The following DENND3 variants were observed in gnomAD, a reference collection of about 807,000 sequenced individuals.
DENND3 encodes the protein DENN domain containing 3.
A neutral mutation model predicts 135.1 loss-of-function variants in DENND3; 88 were observed. That is an observed-to-expected ratio of 0.65 (90% CI 0.55 to 0.78). DENND3 has a LOEUF of 0.78. Ranked by LOEUF, DENND3 falls within the 30% of genes least tolerant of loss-of-function variation. The pLI is 0.00. For missense variants in DENND3, 1,392 were observed against 1,688.4 expected (o/e 0.82, Z 3.08); for synonymous variants, 693 against 712.3 (o/e 0.97, Z 0.43).
chr8:141,177,996 T>G (rs1357726093), intron 15 of DENND3, 71 bp from the exon 16 acceptor site: 2 of 1,527,658 alleles, frequency 1.3e-6, no homozygotes, highest in Non-Finnish European at 1.8e-6. Flanking sequence ...TCCTGTGTGT[T>G]GCAACAAGGT....
chr8:141,173,609 G>A (rs891334325), intron 13 of DENND3: 2 of 152,240 alleles, frequency 1.3e-5, no homozygotes, highest in East Asian at 3.8e-4. Flanking sequence ...CATGATAGCG[G>A]ATTCCCTAGA....
intron 7 of DENND3, among the ~76,000 whole-genome samples, chr8:141,153,552 C>A (rs934136973): frequency 1.3e-5 from 2 of 152,196 alleles, no homozygotes; most frequent in Admixed American, 6.5e-5. Flanking sequence ...ATGCTTCCCC[C>A]ACAAGTGTTG....
rs540882691 is a variant in DENND3, at chr8:141,158,285, C to T, written c.1196+2315C>T. Reference sequence around the variant, plus strand: ...CTTTCCCAATCATCTCAGTTACTTTCTGGTAAGCCACAGCTGCTTCCTTGA... The same window carrying T: ...CTTTCCCAATCATCTCAGTTACTTTTTGGTAAGCCACAGCTGCTTCCTTGA... On this transcript the variant is annotated intron_variant, in intron 8 of 22. Transcript: ENST00000519811. The T allele has an allele frequency of 2.9e-4, 370 of 1,286,588 alleles. 4 individuals carry two copies. Among genetic ancestry groups the T allele is most frequent in the African/African-American group, 7.6e-4 (50 of 65,890 alleles). The allele number at this position is 1,286,588 out of a possible 1,614,324, so 79.7% of individuals were successfully genotyped here.
intron 5 of DENND3, among the ~76,000 whole-genome samples, chr8:141,149,990 T>G (rs1015697181): frequency 1.3e-5 from 2 of 152,250 alleles, no homozygotes; most frequent in Non-Finnish European, 2.9e-5. Flanking sequence ...CCCGGCTCCC[T>G]GCTTCGCTTG....
Position 141,166,261 on chromosome 8 carries a change from T to G in DENND3, c.1625T>G (p.Leu542Arg). The change falls in exon 12 of 23, where the codon CTG (leucine) becomes CGG (arginine). Residue 542 changes from leucine to arginine, a missense_variant. Coordinates refer to ENST00000519811, the MANE Select transcript of DENND3 (RefSeq NM_001352890.3). This position sits in a 1 kb window ranked among gnomAD's most constrained non-coding sequence, Gnocchi z 4.3. ...AGAGCCTCCCGGAAGTCCTCGCACCTGCATGTCACCCACAGGCGCATGGTG... is the reference window on the plus strand; with the variant it reads ...AGAGCCTCCCGGAAGTCCTCGCACCGGCATGTCACCCACAGGCGCATGGTG... Reference protein sequence around the residue: ...EKRASRKSSHLHVTHRRMVVS... With the variant: ...EKRASRKSSHRHVTHRRMVVS... 1.2e-6 allele frequency: 2 copies of G among 1,614,158 alleles called. No homozygotes were observed. Among genetic ancestry groups the G allele is most frequent in the South Asian group, 2.2e-5 (2 of 91,082 alleles).
intron 17 of DENND3, among the ~76,000 whole-genome samples, chr8:141,181,370 A>C (rs1269911689): frequency 6.6e-6 from 1 of 152,226 alleles, no homozygotes; most frequent in Non-Finnish European, 1.5e-5. Context: ...TCGTTTCCGC[A>C]GAAGCTCTTA....
rs767068479 is a variant in DENND3 at position 141,138,248 on chromosome 8, G to A, written c.501+111G>A. ...TAACCATTTTAAAGTGTGCAGTTCC[G>A]TAACATTAAGTACATTCACAGCATT... On this transcript the variant is annotated intron_variant, in intron 3 of 22. Coordinates refer to ENST00000519811, the MANE Select transcript of DENND3 (RefSeq NM_001352890.3). This position sits in a 1 kb window ranked among gnomAD's most constrained non-coding sequence, Gnocchi z 4.8. 4.1e-5 allele frequency: 45 copies of A among 1,093,926 alleles called. No homozygotes were observed. The highest frequency in any genetic ancestry group is 5.4e-5 in the Non-Finnish European group (41 of 753,814). The allele number at this position is 1,093,926 out of a possible 1,614,324, so 67.8% of individuals were successfully genotyped here. A position where few individuals can be genotyped will look rare whatever the true frequency, so the allele number is the denominator to read the frequency against.
In DENND3 at chr8:141,188,991, C is replaced by T; in HGVS notation, c.3090C>T (p.Cys1030=). The T allele has an allele frequency of 1.9e-6, 3 of 1,613,618 alleles. No individual in the cohort carries two copies. Among genetic ancestry groups the T allele is most frequent in the Non-Finnish European group, 2.5e-6 (3 of 1,179,800 alleles). ...SFKVGTAKVN[C]MVMADQNQVW... ...TTCCCGTGGCCTCCTGTTAGAACTGCATGGTGATGGCCGACCAGAACCAGG... is the reference window on the plus strand; with the variant it reads ...TTCCCGTGGCCTCCTGTTAGAACTGTATGGTGATGGCCGACCAGAACCAGG... Residue 1030 remains cysteine, a synonymous_variant, in exon 19 of 23, where the codon TGC becomes TGT. Transcript: ENST00000519811.
rs948909414 is a variant in DENND3, at chr8:141,151,561, G to A, written c.856-58G>A. 9 of 1,447,004 alleles carry A rather than the reference G, an allele frequency of 6.2e-6. No homozygotes were observed. In the African/African-American group the frequency reaches 1.0e-4, roughly 16 times the overall value. The allele number at this position is 1,447,004 out of a possible 1,614,324, so 89.6% of individuals were successfully genotyped here. A position where few individuals can be genotyped will look rare whatever the true frequency, so the allele number is the denominator to read the frequency against. On this transcript the variant is annotated intron_variant, in intron 6 of 22. Coordinates refer to ENST00000519811, the MANE Select transcript of DENND3 (RefSeq NM_001352890.3). ...GGGCTGGGCAACACAGCGAGACCCT[G>A]TCTGTATTTTTTTTTTTTTTAAAAG...
Position 141,166,643 on chromosome 8 carries a change from A to G in DENND3, c.1753+254A>G, listed in dbSNP as rs1569556106. On this transcript the variant is annotated intron_variant, in intron 12 of 22. Coordinates refer to ENST00000519811, the MANE Select transcript of DENND3 (RefSeq NM_001352890.3). The surrounding 1 kb of genome is among the most constrained non-coding windows in gnomAD (Gnocchi z 4.3). ...CTCGGCATGGTTCGGCATCCTTCAC[A>G]GGTGTAGGCTGTGCCTGTCTCTGTA... is the stretch of plus-strand genomic sequence containing the variant. Among the ~76,000 whole-genome samples the G allele has an allele frequency of 1.3e-5, 2 of 152,196 alleles. No homozygotes were observed. The highest frequency in any genetic ancestry group is 2.9e-5 in the Non-Finnish European group (2 of 68,032).
Position 141,167,949 on chromosome 8 carries a change from G to C in DENND3, c.1754-55G>C. 1 of 1,548,800 alleles carries C rather than the reference G, an allele frequency of 6.5e-7. No homozygotes were observed. Among genetic ancestry groups the C allele is most frequent in the African/African-American group, 1.4e-5 (1 of 73,286 alleles). On this transcript the variant is annotated intron_variant, in intron 12 of 22. Transcript: ENST00000519811. The surrounding 1 kb of genome is among the most constrained non-coding windows in gnomAD (Gnocchi z 4.1). ...TGACAAGATGATGTGACAGGGACAC[G>C]TGTTCATTTGGAAGGTCTGTGCTAA...
At chr8:141,178,222 G>A (rs758462707) in intron 16 of DENND3, 26 bp downstream of exon 16, 1 of 1,599,568 alleles carries the variant, frequency 6.3e-7, no homozygotes, top group Non-Finnish European at 8.6e-7. Flanking sequence ...TCTTAGCGTG[G>A]ATCATTGTCC....
At chr8:141,191,286 T>G (rs1365892241) in intron 20 of DENND3, 1 of 152,264 alleles carries the variant, frequency 6.6e-6, no homozygotes, top group Non-Finnish European at 1.5e-5. Flanking sequence ...ACAGTAGGCC[T>G]TCTTCTGTAT....
rs940159182 is a variant in DENND3 at position 141,154,093 on chromosome 8, G to A, written c.1075-1756G>A. Among the ~76,000 whole-genome samples the A allele has an allele frequency of 1.3e-5, 2 of 152,200 alleles. No homozygotes were observed. Among genetic ancestry groups the A allele is most frequent in the African/African-American group, 4.8e-5 (2 of 41,440 alleles). ...CGGCTGTGTGCCTCGCTGCTTTAGCGTTTTGTGTATTTGCCTTGTAAGGTT... is the reference window on the plus strand; with the variant it reads ...CGGCTGTGTGCCTCGCTGCTTTAGCATTTTGTGTATTTGCCTTGTAAGGTT... On this transcript the variant is annotated intron_variant, in intron 7 of 22. Transcript: ENST00000519811. This position sits in a 1 kb window ranked among gnomAD's most constrained non-coding sequence, Gnocchi z 4.4.
chr8:141,132,504 T>C (rs1816252794), intron 1 of DENND3, among the ~76,000 whole-genome samples: 3 of 152,040 alleles, frequency 2.0e-5, no homozygotes, highest in Admixed American at 1.3e-4. Context: ...ATTACAGGCA[T>C]GTACGACTAT....
intron 16 of DENND3, among the ~76,000 whole-genome samples, chr8:141,180,455 G>C (rs1034236788): frequency 6.6e-6 from 1 of 152,162 alleles, no homozygotes; most frequent in Non-Finnish European, 1.5e-5. Flanking sequence ...AGAGAAGAAG[G>C]CTGTGTTTAA....
chr8:141,139,082 G>A lies in DENND3; in HGVS notation c.501+945G>A, dbSNP rs117091206. Among the ~76,000 whole-genome samples, 645 of 152,296 alleles carry A rather than the reference G, an allele frequency of 4.2e-3. 2 individuals carry two copies. The highest frequency in any genetic ancestry group is 7.5e-3 in the Non-Finnish European group (507 of 68,030). On this transcript the variant is annotated intron_variant, in intron 3 of 22. Coordinates refer to ENST00000519811, the MANE Select transcript of DENND3 (RefSeq NM_001352890.3). The surrounding 1 kb of genome is among the most constrained non-coding windows in gnomAD (Gnocchi z 4.2). The stretch of plus-strand genomic sequence containing the variant: ...TGTATCCAAAGGTGCAGGGTGACCT[G>A]CTGCACACGTCCAGAGGGTTTCCCG...
chr8:141,142,303 G>A (rs948251237), intron 4 of DENND3: 6 of 446,618 alleles, frequency 1.3e-5, no homozygotes, highest in African/African-American at 4.0e-5. Context: ...ATTAAAGGCC[G>A]AGGAGAAAGC....
rs1822108704 is a variant in DENND3, at chr8:141,174,769, T to C, written c.2276-431T>C. ...GGCAGCGGCGCTAAGGATCCAACCT[T>C]CCCGGCGTTAGCTTCATCCTAGGAC... On this transcript the variant is annotated intron_variant, in intron 13 of 22. Transcript: ENST00000519811. This position sits in a 1 kb window ranked among gnomAD's most constrained non-coding sequence, Gnocchi z 4.6. 6.6e-6 allele frequency among the ~76,000 whole-genome samples: 1 copy of C among 152,152 alleles called. No individual in the cohort carries two copies. The highest frequency in any genetic ancestry group is 2.4e-5 in the African/African-American group (1 of 41,432).
Sources: allele counts gnomAD v4.1 joint callset (sites outside exome capture counted in the v4.1 genomes callset), GRCh38; gene constraint gnomAD v4.1.1; non-coding constraint Gnocchi (gnomAD v3.1); transcripts MANE v1.5; gene names NCBI Gene and HGNC (gene_info 2026-07-23, HGNC 2026-07-21).